PTPRT: variants seen among roughly 807,000 people sequenced by gnomAD.
PTPRT encodes the protein protein tyrosine phosphatase receptor type T.
PTPRT carries 56 observed loss-of-function variants against 176.8 expected under a neutral mutation model. The observed-to-expected ratio is 0.32, with a 90% CI of 0.26 to 0.40. The LOEUF (loss-of-function observed/expected upper bound fraction) is 0.40, where lower values mean the gene tolerates loss of function less well. Among genes scored for constraint, PTPRT ranks in the 10% least tolerant of loss-of-function variants. PTPRT has a pLI of 1.00. For missense variants in PTPRT, 1,540 were observed against 1,908.2 expected, an observed-to-expected ratio of 0.81 and a Z score of 3.60; for synonymous variants, 783 against 739.0, an observed-to-expected ratio of 1.06 and a Z score of -0.96.
At chr20:42,791,140 G>T in intron 3 of PTPRT, 55 bp downstream of exon 3, 1 of 1,522,940 alleles carries the variant, frequency 6.6e-7, no homozygotes, top group Non-Finnish European at 8.8e-7. Context: ...GGAGAGCAAA[G>T]GTGTATAGAT....
intron 1 of PTPRT, among the ~76,000 whole-genome samples, chr20:43,046,615 G>A (rs1986850335): frequency 6.6e-6 from 1 of 152,054 alleles, no homozygotes; most frequent in African/African-American, 2.4e-5. Flanking sequence ...ACTGAGGTCG[G>A]GCTGTGGTGG....
At chr20:43,013,474 T>G (rs567657517) in intron 1 of PTPRT, among the ~76,000 whole-genome samples, 25 of 152,290 alleles carry the variant, frequency 1.6e-4, no homozygotes, top group African/African-American at 6.0e-4. Flanking sequence ...AGCCAGATTC[T>G]TGAGTCTGCT....
intron 16 of PTPRT, among the ~76,000 whole-genome samples, chr20:42,174,221 T>C (rs568863298): frequency 6.6e-6 from 1 of 152,264 alleles, no homozygotes; most frequent in South Asian, 2.1e-4. Flanking sequence ...AGAACATGTC[T>C]TGGTCAGTAA....
intron 7 of PTPRT, among the ~76,000 whole-genome samples, chr20:42,558,692 CT>C (rs1479167435): frequency 6.6e-6 from 1 of 152,104 alleles, no homozygotes; most frequent in Non-Finnish European, 1.5e-5. Flanking sequence ...CCAACTCACC[CT>C]CATGGATTTT....
intron 9 of PTPRT, among the ~76,000 whole-genome samples, chr20:42,361,376 C>T (rs922185327): frequency 1.3e-5 from 2 of 152,138 alleles, no homozygotes; most frequent in African/African-American, 4.8e-5. Context: ...TCCTTTGACA[C>T]TGCTTTCATT....
intron 9 of PTPRT, among the ~76,000 whole-genome samples, chr20:42,423,178 T>TAAAAAAAA (rs34775268): frequency 3.4e-3 from 295 of 86,832 alleles, no homozygotes; most frequent in East Asian, 5.2e-3. Context: ...ACCTTAAAAG[T>TAAAAAAAA]AAAAAAAAAA....
At chr20:42,069,398 GACTA>G (rs960288673), downstream of PTPRT, among the ~76,000 whole-genome samples, 20 of 152,128 alleles carry the variant, frequency 1.3e-4, no homozygotes, top group East Asian at 1.4e-3. Context: ...TTTGGACATT[GACTA>G]ACTGACTGTG....
chr20:42,440,969 G>C (rs979813860), intron 9 of PTPRT, among the ~76,000 whole-genome samples: 1 of 152,136 alleles, frequency 6.6e-6, no homozygotes, highest in Admixed American at 6.5e-5. Flanking sequence ...TATGTTATGG[G>C]GAGCAATCTG....
chr20:42,561,049 T>C (rs1044549579), intron 7 of PTPRT, among the ~76,000 whole-genome samples: 2 of 152,180 alleles, frequency 1.3e-5, no homozygotes, highest in Non-Finnish European at 1.5e-5. Flanking sequence ...GGTTAACTTG[T>C]GTCTGGCAGC....
chr20:42,409,808 G>A (rs2058996300), intron 9 of PTPRT, among the ~76,000 whole-genome samples: 1 of 152,154 alleles, frequency 6.6e-6, no homozygotes, highest in Non-Finnish European at 1.5e-5. Flanking sequence ...ACACATTTTT[G>A]TTACTTAATG....
rs116012892 is a variant in PTPRT, at chr20:42,807,403, G to A, written c.215-15937C>T. ...CTCATGGGAATTTTTAAGGGAAACT[G>A]CAAGAGGTTGGGATTCCCAAAGTCT... On this transcript the variant is annotated intron_variant, in intron 2 of 30. Coordinates refer to ENST00000373187, the MANE Select transcript of PTPRT (RefSeq NM_007050.6). 6.9e-3 allele frequency among the ~76,000 whole-genome samples: 1,052 copies of A among 152,280 alleles called. 9 individuals are homozygous for A. Among genetic ancestry groups the A allele is most frequent in the African/African-American group, 0.024 (991 of 41,546 alleles).
intron 15 of PTPRT, among the ~76,000 whole-genome samples, chr20:42,226,420 GA>G (rs2056012176): frequency 6.6e-6 from 1 of 152,136 alleles, no homozygotes. Context: ...AATGACTTCC[GA>G]AATACCTCCA....
At chr20:42,312,669 G>A (rs889358095) in intron 12 of PTPRT, among the ~76,000 whole-genome samples, 1 of 152,136 alleles carries the variant, frequency 6.6e-6, no homozygotes, top group East Asian at 1.9e-4. Flanking sequence ...TTTCGTTACT[G>A]GGAATCTTAG....
chr20:42,754,820 C>A (rs2076807716), intron 6 of PTPRT, among the ~76,000 whole-genome samples: 1 of 152,150 alleles, frequency 6.6e-6, no homozygotes, highest in Non-Finnish European at 1.5e-5. Context: ...TCAGTCCACA[C>A]ATTTTTTCAA....
At chr20:42,367,055 G>A (rs932368862) in intron 9 of PTPRT, among the ~76,000 whole-genome samples, 13 of 152,146 alleles carry the variant, frequency 8.5e-5, no homozygotes, top group Admixed American at 2.6e-4. Flanking sequence ...GAGTTGTTTT[G>A]AATTATATCA....
At chr20:42,767,837 A>G (rs1037624187) in intron 5 of PTPRT, among the ~76,000 whole-genome samples, 1 of 146,804 alleles carries the variant, frequency 6.8e-6, no homozygotes, top group African/African-American at 2.5e-5. Flanking sequence ...TATATGTTAT[A>G]TAACATATAA....
intron 9 of PTPRT, among the ~76,000 whole-genome samples, chr20:42,394,064 T>C (rs2145680878): frequency 6.6e-6 from 1 of 152,040 alleles, no homozygotes; most frequent in African/African-American, 2.4e-5. Flanking sequence ...TTTTTAATTT[T>C]ACTACTTGAT....
intron 7 of PTPRT, among the ~76,000 whole-genome samples, chr20:42,555,915 T>G (rs886646479): frequency 3.9e-5 from 6 of 152,116 alleles, no homozygotes; most frequent in Admixed American, 3.9e-4. Context: ...AAAAACAAGT[T>G]TGTCATGTAA....
chr20:42,837,147 T>C (rs1296980494), intron 2 of PTPRT, among the ~76,000 whole-genome samples: 1 of 152,176 alleles, frequency 6.6e-6, no homozygotes, highest in African/African-American at 2.4e-5. Context: ...CCCACAGTCA[T>C]ACAGGAGCTG....
Sources: gnomAD v4.1 joint callset for allele counts (sites outside exome capture counted in the v4.1 genomes callset) on GRCh38, gnomAD v4.1.1 for gene constraint, MANE v1.5 for transcripts, NCBI Gene and HGNC (gene_info 2026-07-23, HGNC 2026-07-21) for gene names.